BICC1: variants seen among roughly 807,000 people sequenced by gnomAD.
BICC1 encodes the protein BicC family RNA binding protein 1.
BICC1 carries 43 observed loss-of-function variants against 111.0 expected under a neutral mutation model. The observed-to-expected ratio is 0.39, with a 90% CI of 0.30 to 0.50. The LOEUF (loss-of-function observed/expected upper bound fraction) is 0.50, where lower values mean the gene tolerates loss of function less well. Ranked by LOEUF, BICC1 falls within the 20% of genes least tolerant of loss-of-function variation. The pLI is 0.88. For missense variants in BICC1, 1,091 were observed against 1,203.2 expected, an observed-to-expected ratio of 0.91 and a Z score of 1.38; for synonymous variants, 467 against 434.4, an observed-to-expected ratio of 1.07 and a Z score of -0.93.
chr10:58,626,754 A>G (rs1333546994), intron 2 of BICC1, among the ~76,000 whole-genome samples: 2 of 152,182 alleles, frequency 1.3e-5, no homozygotes, highest in African/African-American at 4.8e-5. Flanking sequence ...CATTTCCTGT[A>G]TTATTCCTTT....
chr10:58,516,276 T>C (rs1842239257), intron 1 of BICC1, among the ~76,000 whole-genome samples: 1 of 152,214 alleles, frequency 6.6e-6, no homozygotes, highest in African/African-American at 2.4e-5. Context: ...AGAGAGACTG[T>C]CCTGGGGGCA....
At chr10:58,672,692 G>A (rs546828350) in intron 2 of BICC1, among the ~76,000 whole-genome samples, 6 of 152,036 alleles carry the variant, frequency 3.9e-5, no homozygotes, top group Admixed American at 2.6e-4. Flanking sequence ...TCCTTTCCCC[G>A]GTGGGAAATA....
rs557092032 is a variant in BICC1, at chr10:58,547,958, C to T, written c.190+34625C>T. Reference sequence around the variant, plus strand: ...TGGTTTCTTTTATTGGAGACTGTTACTAGAAACCAAGATCTGCTATGCTCA... The same window carrying T: ...TGGTTTCTTTTATTGGAGACTGTTATTAGAAACCAAGATCTGCTATGCTCA... On this transcript the variant is annotated intron_variant, in intron 1 of 20. Transcript: ENST00000373886. 3.3e-5 allele frequency among the ~76,000 whole-genome samples: 5 copies of T among 152,284 alleles called. No individual in the cohort carries two copies. In the South Asian group the frequency reaches 8.3e-4, roughly 25 times the overall value.
intron 3 of BICC1, among the ~76,000 whole-genome samples, chr10:58,708,426 G>T (rs1214405888): frequency 6.6e-6 from 1 of 152,202 alleles, no homozygotes; most frequent in Admixed American, 6.5e-5. Context: ...GTTGTCTCAT[G>T]CCAAGGAAAT....
In BICC1 at chr10:58,801,028, C is replaced by T. The variant is rs139193189; in HGVS notation, c.1997C>T (p.Thr666Met). The change falls in exon 14 of 21, where the codon ACG becomes ATG. Residue 666 changes from threonine to methionine, a missense_variant. Physicochemically the swap from Thr to Met is moderately conservative, Grantham distance 81. Coordinates refer to ENST00000373886, the MANE Select transcript of BICC1 (RefSeq NM_001080512.3). ...CAGACAGTGGAACTATTGCAAGGCA[C>T]GAAAAACTCACACTTACAGTATGTA... ...KRQTVELLQGTKNSHLHSTDR... is the reference protein window; with the variant it reads ...KRQTVELLQGMKNSHLHSTDR... 372 of 1,605,382 alleles carry T rather than the reference C, an allele frequency of 2.3e-4. No homozygotes were observed. The highest frequency in any genetic ancestry group is 1.0e-3 in the Middle Eastern group (6 of 6,014).
intron 2 of BICC1, among the ~76,000 whole-genome samples, chr10:58,669,138 T>C (rs1839104968): frequency 6.6e-6 from 1 of 152,064 alleles, no homozygotes; most frequent in Non-Finnish European, 1.5e-5. Context: ...GCAATTAAAA[T>C]ACTTGTGCTA....
At chr10:58,651,943 T>A (rs539092634) in intron 2 of BICC1, among the ~76,000 whole-genome samples, 1 of 152,262 alleles carries the variant, frequency 6.6e-6, no homozygotes, top group South Asian at 2.1e-4. Flanking sequence ...TCATGTTAAT[T>A]GCTCAATAGA....
In BICC1 at chr10:58,820,822, G is replaced by C. The variant is rs191577489; in HGVS notation, c.2794+354G>C. 2.0e-5 allele frequency among the ~76,000 whole-genome samples: 3 copies of C among 152,238 alleles called. No homozygotes were observed. The East Asian group carries it at 5.8e-4, about 29-fold the overall frequency. ...ATTACATTAGTGAATAATTATTCTT[G>C]ATTGGCAGTTATGTTTCAAATGTTT... On this transcript the variant is annotated intron_variant, in intron 20 of 20. Coordinates refer to ENST00000373886, the MANE Select transcript of BICC1 (RefSeq NM_001080512.3).
At chr10:58,743,780 T>TTC (rs1554827548) in intron 3 of BICC1, among the ~76,000 whole-genome samples, 6 of 150,972 alleles carry the variant, frequency 4.0e-5, no homozygotes, top group African/African-American at 1.5e-4. Context: ...TTCTTTTCTT[T>TTC]TTTTTTTTTT....
In BICC1 at chr10:58,549,849, C is replaced by A. The variant is rs1201249839; in HGVS notation, c.190+36516C>A. On this transcript the variant is annotated intron_variant, in intron 1 of 20. Coordinates refer to ENST00000373886, the MANE Select transcript of BICC1 (RefSeq NM_001080512.3). ...TACAGATGTGCACCATTGTGCCCGG[C>A]TAATTTTTTTGTATTTTTAGTAGAG... Among the ~76,000 whole-genome samples, 7 of 151,608 alleles carry A rather than the reference C, an allele frequency of 4.6e-5. No homozygotes were observed. In the East Asian group the frequency reaches 1.4e-3, roughly 30 times the overall value.
chr10:58,794,033 G>A (rs1256930413), intron 9 of BICC1, among the ~76,000 whole-genome samples: 3 of 152,084 alleles, frequency 2.0e-5, no homozygotes, highest in African/African-American at 7.2e-5. Flanking sequence ...GTTGGTTTTT[G>A]CAGTCCATTT....
intron 2 of BICC1, among the ~76,000 whole-genome samples, chr10:58,631,014 C>T (rs1436315826): frequency 6.6e-6 from 1 of 152,040 alleles, no homozygotes; most frequent in African/African-American, 2.4e-5. Context: ...CAGTTACCAG[C>T]ATTATTCAAG....
intron 3 of BICC1, among the ~76,000 whole-genome samples, chr10:58,726,819 A>C (rs1004489437): frequency 2.1e-4 from 32 of 152,224 alleles, no homozygotes; most frequent in African/African-American, 7.2e-4. Context: ...CTTAAGGTTG[A>C]ATACACAGTT....
At chr10:58,795,026 T>C (rs1843307405) in intron 9 of BICC1, among the ~76,000 whole-genome samples, 1 of 152,166 alleles carries the variant, frequency 6.6e-6, no homozygotes, top group Non-Finnish European at 1.5e-5. Context: ...TAAAGCATTG[T>C]TTAGAAGGAT....
intron 12 of BICC1, among the ~76,000 whole-genome samples, chr10:58,799,624 A>G (rs1589150853): frequency 6.6e-6 from 1 of 151,874 alleles, no homozygotes; most frequent in East Asian, 1.9e-4. Context: ...ATTGCTTGTT[A>G]TTGTCGACTC....
rs1842766342 is a variant in BICC1 at position 58,777,036 on chromosome 10, A to G, written c.308-7965A>G. Among the ~76,000 whole-genome samples the G allele has an allele frequency of 4.0e-5, 6 of 151,752 alleles. No individual in the cohort carries two copies. The Admixed American group carries it at 4.0e-4, about 10-fold the overall frequency. On this transcript the variant is annotated intron_variant, in intron 3 of 20. Transcript: ENST00000373886. Reference sequence around the variant, plus strand: ...GGTGTAGTTTACACTATATAAGAGAAAGTGGTTTATAAGATAAGGTAGTTT... The same window carrying G: ...GGTGTAGTTTACACTATATAAGAGAGAGTGGTTTATAAGATAAGGTAGTTT...
chr10:58,647,626 C>G (rs1838309172), intron 2 of BICC1, among the ~76,000 whole-genome samples: 1 of 152,136 alleles, frequency 6.6e-6, no homozygotes, highest in Non-Finnish European at 1.5e-5. Context: ...TGTCTTTTCA[C>G]TTGTCAGCAC....
chr10:58,575,207 G>A (rs771673845), intron 1 of BICC1, among the ~76,000 whole-genome samples: 6 of 151,648 alleles, frequency 4.0e-5, no homozygotes, highest in Non-Finnish European at 7.4e-5. Context: ...AACAGGCCCC[G>A]GTGTATGATG....
chr10:58,570,422 C>T (rs977355912), intron 1 of BICC1, among the ~76,000 whole-genome samples: 8 of 152,278 alleles, frequency 5.3e-5, no homozygotes, highest in African/African-American at 1.9e-4. Flanking sequence ...AAAGGTTCTC[C>T]AAGTTGGCCA....
Sources: allele counts gnomAD v4.1 joint callset (sites outside exome capture counted in the v4.1 genomes callset), GRCh38; gene constraint gnomAD v4.1.1; transcripts MANE v1.5; gene names NCBI Gene and HGNC (gene_info 2026-07-23, HGNC 2026-07-21).